Variants in GJC1 observed in about 807,000 individuals in gnomAD.
The protein encoded by GJC1 is gap junction protein gamma 1.
A neutral mutation model predicts 29.3 loss-of-function variants in GJC1; 5 were observed. The observed-to-expected ratio is 0.17, with a 90% CI of 0.09 to 0.36. The LOEUF (loss-of-function observed/expected upper bound fraction) is 0.36, where lower values mean the gene tolerates loss of function less well. Ranked by LOEUF, GJC1 falls within the 10% of genes least tolerant of loss-of-function variation. GJC1 has a pLI of 1.00. For missense variants in GJC1, 310 were observed against 496.2 expected (o/e 0.62, Z 3.56); for synonymous variants, 177 against 183.3 (o/e 0.97, Z 0.28).
intron 1 of GJC1, among the ~76,000 whole-genome samples, chr17:44,822,493 AT>A: frequency 6.6e-6 from 1 of 151,672 alleles, no homozygotes. Context: ...AATATAAAAA[AT>A]TAGCTGGGCG....
At chr17:44,794,589 G>A (rs1271361257), downstream of GJC1, 1 of 152,172 alleles carries the variant, frequency 6.6e-6, no homozygotes, top group Non-Finnish European at 1.5e-5. Flanking sequence ...AGTGTTCCCA[G>A]CACAAAGATA....
intron 1 of GJC1, among the ~76,000 whole-genome samples, chr17:44,811,682 T>C (rs12452548): frequency 0.78 from 118,146 of 152,000 alleles, 46,022 homozygotes; most frequent in African/African-American, 0.81. Context: ...CCACTATGCC[T>C]GGCCTCTTTC....
downstream of GJC1, chr17:44,795,008 A>G (rs1318969173): frequency 6.6e-6 from 1 of 152,162 alleles, no homozygotes; most frequent in Non-Finnish European, 1.5e-5. Flanking sequence ...GAAAAAGTCA[A>G]TTGACAAAGA....
At chr17:44,830,669 G>C (rs1387756647), upstream of GJC1, 2 of 398,542 alleles carry the variant, frequency 5.0e-6, no homozygotes, top group East Asian at 3.6e-5. This position sits in a 1 kb window ranked among gnomAD's most constrained non-coding sequence, Gnocchi z 4.3. Flanking sequence ...AGCGGGCCCA[G>C]AGTTGTCTTC....
Position 44,830,215 on chromosome 17 carries a change from G to C in GJC1, c.-250C>G. On this transcript the variant is annotated 5_prime_UTR_variant, in exon 1 of 3. Transcript: ENST00000592524. The surrounding 1 kb of genome is among the most constrained non-coding windows in gnomAD (Gnocchi z 4.3). ...CGCCTTCGCCTCAGTCTCCAGCCGAGGCAGAAGCCGCTCCCGCCGCTGCCG... is the reference window on the plus strand; with the variant it reads ...CGCCTTCGCCTCAGTCTCCAGCCGACGCAGAAGCCGCTCCCGCCGCTGCCG... The C allele has an allele frequency of 6.2e-6, 1 of 160,062 alleles. No homozygotes were observed. The highest frequency in any genetic ancestry group is 1.3e-5 in the Non-Finnish European group (1 of 74,832). 9.9% of individuals were successfully genotyped at this position (160,062 alleles called of 1,614,324 possible).
chr17:44,830,637 C>T (rs1266360169), upstream of GJC1: 7 of 398,528 alleles, frequency 1.8e-5, no homozygotes, highest in African/African-American at 1.4e-4. This position sits in a 1 kb window ranked among gnomAD's most constrained non-coding sequence, Gnocchi z 4.3. Context: ...TCTCGCCTTA[C>T]CTGGGTATCC....
intron 1 of GJC1, among the ~76,000 whole-genome samples, chr17:44,810,799 G>C (rs182294193): frequency 6.6e-6 from 1 of 151,932 alleles, no homozygotes; most frequent in East Asian, 1.9e-4. Context: ...TTTTAAACAG[G>C]GTCTCGCTCT....
chr17:44,821,360 AAT>A (rs1352964886), intron 1 of GJC1, among the ~76,000 whole-genome samples: 2 of 152,180 alleles, frequency 1.3e-5, no homozygotes, highest in Non-Finnish European at 2.9e-5. Flanking sequence ...ATGATTTTCC[AAT>A]ATGACTACGT....
intron 1 of GJC1, among the ~76,000 whole-genome samples, chr17:44,822,311 G>GT (rs1405794942): frequency 2.6e-5 from 4 of 151,608 alleles, no homozygotes; most frequent in African/African-American, 7.3e-5. Flanking sequence ...CTGCTAACGG[G>GT]TATCAGGTTT....
chr17:44,807,038 G>C (rs1460130132), intron 2 of GJC1, among the ~76,000 whole-genome samples: 1 of 152,130 alleles, frequency 6.6e-6, no homozygotes, highest in Non-Finnish European at 1.5e-5. Flanking sequence ...AAATGGTCTT[G>C]CAATAAATAT....
intron 1 of GJC1, among the ~76,000 whole-genome samples, chr17:44,826,878 G>A (rs976295638): frequency 6.6e-6 from 1 of 152,150 alleles, no homozygotes; most frequent in African/African-American, 2.4e-5. Flanking sequence ...ATCAGCTGTA[G>A]CAGTATGTTG....
chr17:44,823,259 T>TTTG (rs1220844617), intron 1 of GJC1, among the ~76,000 whole-genome samples: 1 of 148,796 alleles, frequency 6.7e-6, no homozygotes, highest in South Asian at 2.1e-4. Flanking sequence ...TTTTTTTTTT[T>TTTG]TTTTTTTTTT....
Position 44,800,532 on chromosome 17 carries a change from C to T in GJC1, c.*4095G>A, listed in dbSNP as rs2049831620. On this transcript the variant is annotated 3_prime_UTR_variant, in exon 3 of 3. Coordinates refer to ENST00000592524, the MANE Select transcript of GJC1 (RefSeq NM_005497.4). ...AGCTGGCTAGCCAAAAATGTATCAT[C>T]AACTATCGATTTTATTTTCAGAAGT... The T allele has an allele frequency of 6.6e-6, 1 of 152,212 alleles. No homozygotes were observed. Among genetic ancestry groups the T allele is most frequent in the East Asian group, 1.9e-4 (1 of 5,208 alleles). The allele number at this position is 152,212 out of a possible 1,614,324, so 9.4% of individuals were successfully genotyped here.
At chr17:44,817,457 T>A (rs1245292601) in intron 1 of GJC1, among the ~76,000 whole-genome samples, 2 of 151,724 alleles carry the variant, frequency 1.3e-5, no homozygotes, top group African/African-American at 4.8e-5. Flanking sequence ...ATGCCTGTAA[T>A]CCCAGCACTT....
chr17:44,804,671 C>A lies in GJC1; in HGVS notation c.1147G>T (p.Ala383Ser). 1.2e-5 allele frequency: 20 copies of A among 1,614,060 alleles called. No individual in the cohort carries two copies. Among genetic ancestry groups the A allele is most frequent in the Non-Finnish European group, 1.7e-5 (20 of 1,179,968 alleles). ...GSKAGSNKSTASSKSGDGKTS... is the reference protein window; with the variant it reads ...GSKAGSNKSTSSSKSGDGKTS... ...TTCCCATCCCCTGATTTGCTACTGG[C>A]AGTGCTTTTGTTGGACCCAGCTTTG... Residue 383 changes from alanine (A) to serine (S), a missense_variant, in exon 3 of 3, where the codon GCC becomes TCC. Around this residue, in one of 4 missense-constraint regions of GJC1, gnomAD observed 146 missense variants for 165.0 expected, o/e 0.88. Coordinates refer to ENST00000592524, the MANE Select transcript of GJC1 (RefSeq NM_005497.4).
At chr17:44,797,690 AAC>A (rs1234779302), downstream of GJC1, 2 of 152,214 alleles carry the variant, frequency 1.3e-5, no homozygotes, top group African/African-American at 2.4e-5. Context: ...AAACCTTAAA[AAC>A]AGTTTTCAAA....
intron 1 of GJC1, among the ~76,000 whole-genome samples, chr17:44,811,832 C>T (rs1426227418): frequency 1.3e-5 from 2 of 151,724 alleles, no homozygotes; most frequent in East Asian, 1.9e-4. Flanking sequence ...GGTGAAACCC[C>T]GTCTCTACTA....
chr17:44,831,172 C>T (rs1409116626), upstream of GJC1, among the ~76,000 whole-genome samples: 1 of 152,190 alleles, frequency 6.6e-6, no homozygotes, highest in Non-Finnish European at 1.5e-5. Context: ...AACTCCCCCA[C>T]CCAAAGCCAA....
rs2049852868 is a variant in GJC1 at position 44,801,960 on chromosome 17, C to T, written c.*2667G>A. ...ATTAGGGGAGAATGACTTTGGCAAA[C>T]TCATATGCTTCAAAGGCAGAAAGAC... On this transcript the variant is annotated 3_prime_UTR_variant, in exon 3 of 3. Transcript: ENST00000592524. 6.6e-6 allele frequency: 1 copy of T among 152,036 alleles called. No individual in the cohort carries two copies. The highest frequency in any genetic ancestry group is 1.5e-5 in the Non-Finnish European group (1 of 68,040). The allele number at this position is 152,036 out of a possible 1,614,324, so 9.4% of individuals were successfully genotyped here.
Sources: allele counts gnomAD v4.1 joint callset (sites outside exome capture counted in the v4.1 genomes callset), GRCh38; gene constraint gnomAD v4.1.1; regional missense constraint gnomAD v4.1.1; non-coding constraint Gnocchi (gnomAD v3.1); transcripts MANE v1.5; gene names NCBI Gene and HGNC (gene_info 2026-07-23, HGNC 2026-07-21).